The following MEI4 variants were observed in gnomAD, a reference collection of about 807,000 sequenced individuals.
MEI4 encodes the protein meiosis-specific protein MEI4.
A neutral mutation model predicts 31.4 loss-of-function variants in MEI4; 27 were observed. The observed-to-expected ratio is 0.86, with a 90% CI of 0.63 to 1.19. MEI4 has a LOEUF of 1.19. Among genes scored for constraint, MEI4 ranks in the 50% most tolerant of loss-of-function variants. The pLI is 0.00. For synonymous variants in MEI4, 122 were observed against 145.4 expected (o/e 0.84, Z 1.16); for missense variants, 329 against 398.9 (o/e 0.82, Z 1.49).
chr6:77,746,062 T>A (rs147386826), intron 2 of MEI4, among the ~76,000 whole-genome samples: 1 of 151,894 alleles, frequency 6.6e-6, no homozygotes, highest in Non-Finnish European at 1.5e-5. Flanking sequence ...TTAAAAGAAC[T>A]AGAAAAGCAA....
At chr6:77,887,047 T>A (rs1327729215) in intron 4 of MEI4, among the ~76,000 whole-genome samples, 1 of 151,998 alleles carries the variant, frequency 6.6e-6, no homozygotes, top group Non-Finnish European at 1.5e-5. Flanking sequence ...TTTATTGTTA[T>A]GTTGTTTATT....
chr6:77,923,970 TTC>T lies in MEI4; in HGVS notation c.*626_*627del, dbSNP rs1766779566. The T allele has an allele frequency of 6.6e-6, 1 of 151,712 alleles. No individual in the cohort carries two copies. Among genetic ancestry groups the T allele is most frequent in the South Asian group, 2.1e-4 (1 of 4,826 alleles). 9.4% of individuals were successfully genotyped at this position (151,712 alleles called of 1,614,324 possible). On this transcript the variant is annotated 3_prime_UTR_variant, in exon 5 of 5. Coordinates refer to ENST00000684080, the MANE Select transcript of MEI4 (RefSeq NM_001322247.2). ...TACTATTAATTAGTTGTTTAAAATG[TTC>T]TTTGTTTTTCAACAAATACTTGTTT...
upstream of MEI4, among the ~76,000 whole-genome samples, chr6:77,650,843 G>GT (rs556830139): frequency 4.5e-3 from 679 of 152,354 alleles, 7 homozygotes; most frequent in Middle Eastern, 0.027. Context: ...GTCTGAGCAT[G>GT]TTCTAGCCTG....
In MEI4 at chr6:77,908,898, A is replaced by G. The variant is rs555825994; in HGVS notation, c.901-14191A>G. Among the ~76,000 whole-genome samples, 31 of 152,244 alleles carry G rather than the reference A, an allele frequency of 2.0e-4. 1 individual carries two copies. In the South Asian group the frequency reaches 6.4e-3, roughly 32 times the overall value. On this transcript the variant is annotated intron_variant, in intron 4 of 4. Transcript: ENST00000684080. ...AGAGAGACTTAGACTCCCACACAGT[A>G]ATAATGGGAGACTTTAACACCCCAC...
chr6:77,858,479 A>G lies in MEI4; in HGVS notation c.900+29417A>G, dbSNP rs183133625. Among the ~76,000 whole-genome samples, 453 of 152,260 alleles carry G rather than the reference A, an allele frequency of 3.0e-3. 11 individuals are homozygous for G. The highest frequency in any genetic ancestry group is 0.015 in the East Asian group (76 of 5,178). ...ACTTACATGGTACAATACATTATCTATGCATATAGCAATTGGAGTTTTTTT... is the reference window on the plus strand; with the variant it reads ...ACTTACATGGTACAATACATTATCTGTGCATATAGCAATTGGAGTTTTTTT... On this transcript the variant is annotated intron_variant, in intron 4 of 4. Coordinates refer to ENST00000684080, the MANE Select transcript of MEI4 (RefSeq NM_001322247.2).
chr6:77,883,745 A>ATATATATATATATATAT (rs55947073), intron 4 of MEI4, among the ~76,000 whole-genome samples: 1,018 of 82,118 alleles, frequency 0.012, 71 homozygotes, highest in East Asian at 0.022. Context: ...TATATATATA[A>ATATATATATATATATAT]CTTTGTCTTT....
intron 2 of MEI4, among the ~76,000 whole-genome samples, chr6:77,745,412 A>C (rs1227593042): frequency 6.6e-6 from 1 of 152,244 alleles, no homozygotes; most frequent in Non-Finnish European, 1.5e-5. Context: ...TTCAACAAAA[A>C]GAGCTAACTA....
chr6:77,685,695 T>C (rs948812408), intron 1 of MEI4, among the ~76,000 whole-genome samples: 6 of 152,174 alleles, frequency 3.9e-5, no homozygotes, highest in Non-Finnish European at 4.4e-5. Flanking sequence ...TTTAAGTCTT[T>C]ATTGCATTTT....
intron 4 of MEI4, among the ~76,000 whole-genome samples, chr6:77,854,957 A>G (rs12193320): frequency 0.29 from 41,201 of 144,188 alleles, 6,509 homozygotes; most frequent in South Asian, 0.39. Flanking sequence ...GCTATCCCCA[A>G]AATAATAATA....
chr6:77,736,041 TCA>T (rs1767198084), intron 2 of MEI4, among the ~76,000 whole-genome samples: 2 of 152,044 alleles, frequency 1.3e-5, no homozygotes, highest in African/African-American at 2.4e-5. Flanking sequence ...CTTCAAACTG[TCA>T]GACAGGGACT....
chr6:77,738,864 T>A (rs1216073943), intron 2 of MEI4, among the ~76,000 whole-genome samples: 1 of 152,220 alleles, frequency 6.6e-6, no homozygotes, highest in Non-Finnish European at 1.5e-5. Context: ...TTTTCTCATA[T>A]GTTTCTTGGC....
Position 77,761,618 on chromosome 6 carries a change from G to T in MEI4, c.721G>T (p.Glu241Ter). Reference sequence around the variant, plus strand: ...GTGTTCCAAGAAGTTGGAAGAATTTGAGAAAACCCTACTACATGCTATTTT... The same window carrying T: ...GTGTTCCAAGAAGTTGGAAGAATTTTAGAAAACCCTACTACATGCTATTTT... ...KKCSKKLEEFEKTLLHAILGN... is the reference protein window; with the variant it reads ...KKCSKKLEEF Residue 241 changes from glutamate (E) to a stop codon, truncating the protein, a stop_gained, in exon 3 of 5, where the codon GAG becomes TAG. Transcript: ENST00000684080. LOFTEE classifies it high-confidence loss of function. 1 of 1,231,842 alleles carries T rather than the reference G, an allele frequency of 8.1e-7. No individual in the cohort carries two copies. The highest frequency in any genetic ancestry group is 4.1e-5 in the South Asian group (1 of 24,282). The allele number at this position is 1,231,842 out of a possible 1,614,324, so 76.3% of individuals were successfully genotyped here.
intron 3 of MEI4, among the ~76,000 whole-genome samples, chr6:77,817,019 G>T (rs1582178761): frequency 6.6e-6 from 1 of 151,104 alleles, no homozygotes; most frequent in Non-Finnish European, 1.5e-5. Flanking sequence ...TTGTGTGTGT[G>T]TGTATGTGTG....
At chr6:77,815,523 A>G (rs534139829) in intron 3 of MEI4, among the ~76,000 whole-genome samples, 4 of 152,200 alleles carry the variant, frequency 2.6e-5, no homozygotes, top group African/African-American at 9.6e-5. Context: ...CAGAAGAATG[A>G]TGAGTTGACT....
At position 77,923,463 on chromosome 6, in the gene MEI4, A is replaced by ATATAATTATCAATT. The variant is rs1491406866; in HGVS notation, c.*118_*131dup. 2 of 809,138 alleles carry ATATAATTATCAATT rather than the reference A, an allele frequency of 2.5e-6. No individual in the cohort carries two copies. The highest frequency in any genetic ancestry group is 3.3e-6 in the Non-Finnish European group (2 of 604,788). 50.1% of individuals were successfully genotyped at this position (809,138 alleles called of 1,614,324 possible). On this transcript the variant is annotated 3_prime_UTR_variant, in exon 5 of 5. Transcript: ENST00000684080. ...TTAGCATTTTAGAATTGATCTCTAA[A>ATATAATTATCAATT]TATAATTATCAATTCAACTTAATGG... is the stretch of plus-strand genomic sequence containing the variant.
intron 4 of MEI4, among the ~76,000 whole-genome samples, chr6:77,837,372 A>G (rs1372252947): frequency 6.6e-6 from 1 of 152,174 alleles, no homozygotes; most frequent in Non-Finnish European, 1.5e-5. Context: ...ATTAACCAGG[A>G]GGATGCAGTC....
chr6:77,868,424 T>G (rs1207720249), intron 4 of MEI4, among the ~76,000 whole-genome samples: 1 of 145,866 alleles, frequency 6.9e-6, no homozygotes, highest in East Asian at 2.0e-4. Context: ...TTTGTTAGTT[T>G]GACTGCAGAG....
rs1413885350 is a variant in MEI4, at chr6:77,732,820, CAG to C, written c.233-28307_233-28306del. Among the ~76,000 whole-genome samples, 4 of 152,086 alleles carry C rather than the reference CAG, an allele frequency of 2.6e-5. No individual in the cohort carries two copies. In the East Asian group the frequency reaches 5.8e-4, roughly 22 times the overall value. On this transcript the variant is annotated intron_variant, in intron 2 of 4. Transcript: ENST00000684080. Reference sequence around the variant, plus strand: ...ACGTCCCATCAATACCTAATTTATTCAGAGTTTTTAGCATGAAGAGTTGTTGA... The same window carrying C: ...ACGTCCCATCAATACCTAATTTATTCAGTTTTTAGCATGAAGAGTTGTTGA...
At chr6:77,891,214 T>C (rs1320846681) in intron 4 of MEI4, among the ~76,000 whole-genome samples, 1 of 152,328 alleles carries the variant, frequency 6.6e-6, no homozygotes, top group Non-Finnish European at 1.5e-5. Context: ...CTGCTATTAA[T>C]TTGTTAAATA....
Sources: allele counts gnomAD v4.1 joint callset (sites outside exome capture counted in the v4.1 genomes callset), GRCh38; gene constraint gnomAD v4.1.1; transcripts MANE v1.5; gene names NCBI Gene and HGNC (gene_info 2026-07-23, HGNC 2026-07-21).